TBCD: variants seen among roughly 807,000 people sequenced by gnomAD.
TBCD encodes tubulin-specific chaperone D.
Under a neutral mutation model 169.3 loss-of-function variants are expected in TBCD, and 105 were observed. That is an observed-to-expected ratio of 0.62 (90% CI 0.53 to 0.73). The LOEUF is 0.73. TBCD is among the 30% of genes least tolerant of loss of function. The pLI, the probability that TBCD is intolerant of heterozygous loss-of-function variation, is 0.00. For synonymous variants in TBCD, 700 were observed against 643.9 expected (o/e 1.09, Z -1.32); for missense variants, 1,444 against 1,600.1 (o/e 0.90, Z 1.66).
chr17:82,869,818 TCTCTCCCTCCCCTGAACCAGGGGCGC>T (rs895334105), intron 13 of TBCD, among the ~76,000 whole-genome samples: 38 of 152,080 alleles, frequency 2.5e-4, no homozygotes, highest in East Asian at 3.9e-4. Flanking sequence ...GGCATCTGCG[TCTCTCCCTCCCCTGAACCAGGGGCGC>T]CTCTCCCTCC....
rs995841769 is a variant in TBCD, at chr17:82,806,868, G to A, written c.1088-740G>A. 5.9e-5 allele frequency among the ~76,000 whole-genome samples: 9 copies of A among 152,160 alleles called. No homozygotes were observed. Among genetic ancestry groups the A allele is most frequent in the Admixed American group, 3.3e-4 (5 of 15,280 alleles). On this transcript the variant is annotated intron_variant, in intron 10 of 38. Coordinates refer to ENST00000355528, the MANE Select transcript of TBCD (RefSeq NM_005993.5). The surrounding 1 kb of genome is among the most constrained non-coding windows in gnomAD (Gnocchi z 5.1). ...CTCCCTGGTTGCGTGGTAGGCGCCC[G>A]CATCTGTGCTGGGCGGCTCTGAGTC...
chr17:82,798,938 T>C (rs2050301410), intron 8 of TBCD, among the ~76,000 whole-genome samples: 1 of 151,810 alleles, frequency 6.6e-6, no homozygotes, highest in South Asian at 2.1e-4. Context: ...CTTGCTGTGC[T>C]GTCCAGGCTG....
At chr17:82,926,333 C>T in intron 27 of TBCD, 67 bp from the exon 28 acceptor site, 5 of 1,491,322 alleles carry the variant, frequency 3.4e-6, no homozygotes, top group Non-Finnish European at 4.6e-6. Context: ...GCCAACATTG[C>T]CACCTCCCTA....
chr17:82,841,796 G>A (rs762134315), intron 13 of TBCD, among the ~76,000 whole-genome samples: 28 of 152,196 alleles, frequency 1.8e-4, no homozygotes, highest in Non-Finnish European at 4.0e-4. Context: ...GGCTCCGTGG[G>A]AGAAAGCTGG....
At chr17:82,786,624 G>A (rs1192729785) in intron 7 of TBCD, among the ~76,000 whole-genome samples, 5 of 152,168 alleles carry the variant, frequency 3.3e-5, no homozygotes, top group South Asian at 2.1e-4. Flanking sequence ...CAGGTGAGGC[G>A]TGCCACCTTC....
intron 34 of TBCD, among the ~76,000 whole-genome samples, chr17:82,936,912 A>G (rs533066307): frequency 2.6e-5 from 4 of 152,308 alleles, no homozygotes; most frequent in African/African-American, 9.6e-5. Context: ...AGCCCAGGCC[A>G]GGTAGCCTCT....
At chr17:82,859,599 T>A in intron 13 of TBCD, 1 of 985,438 alleles carries the variant, frequency 1.0e-6, no homozygotes, top group Non-Finnish European at 1.2e-6. Context: ...CACTGCAGAC[T>A]CCAAGTGTGA....
At chr17:82,887,250 AGGATAC>A (rs1256647424) in intron 15 of TBCD, among the ~76,000 whole-genome samples, 1 of 152,030 alleles carries the variant, frequency 6.6e-6, no homozygotes, top group Non-Finnish European at 1.5e-5. Flanking sequence ...CACCACAATC[AGGATAC>A]ACAGCAGCCC....
At chr17:82,862,272 T>G (rs2056835335) in intron 13 of TBCD, among the ~76,000 whole-genome samples, 1 of 152,210 alleles carries the variant, frequency 6.6e-6, no homozygotes, top group Non-Finnish European at 1.5e-5. Context: ...ATTTCCATCA[T>G]TTTATATTTG....
At position 82,831,193 on chromosome 17, in the gene TBCD, A is replaced by G. The variant is rs759363915; in HGVS notation, c.1318+16259A>G. 3.7e-6 allele frequency: 6 copies of G among 1,613,960 alleles called. No homozygotes were observed. In the East Asian group the frequency reaches 1.3e-4, roughly 36 times the overall value. On this transcript the variant is annotated intron_variant, in intron 13 of 38. Coordinates refer to ENST00000355528, the MANE Select transcript of TBCD (RefSeq NM_005993.5). The surrounding 1 kb of genome is among the most constrained non-coding windows in gnomAD (Gnocchi z 4.6). ...GCCTTCGCAGGTCTGGCTCGTCTGCATGAAGTCGGTGGGGCTCGGCCTCCC... is the reference window on the plus strand; with the variant it reads ...GCCTTCGCAGGTCTGGCTCGTCTGCGTGAAGTCGGTGGGGCTCGGCCTCCC...
intron 7 of TBCD, 98 bp downstream of exon 7, chr17:82,781,819 T>C: frequency 6.5e-7 from 1 of 1,535,620 alleles, no homozygotes; most frequent in South Asian, 1.2e-5. Context: ...CTTGACGTAA[T>C]TGGAACCCCG....
rs906514758 is a variant in TBCD at position 82,835,531 on chromosome 17, T to G, written c.1318+20597T>G. On this transcript the variant is annotated intron_variant, in intron 13 of 38. Transcript: ENST00000355528. This position sits in a 1 kb window ranked among gnomAD's most constrained non-coding sequence, Gnocchi z 4.5. ...TCTGCCTCCTGGGTTCAAGAGATTC[T>G]CCTGCCTCAGCCTCCCTAGTAGCTG... is the stretch of plus-strand genomic sequence containing the variant. Among the ~76,000 whole-genome samples, 2 of 152,186 alleles carry G rather than the reference T, an allele frequency of 1.3e-5. No homozygotes were observed. The highest frequency in any genetic ancestry group is 4.8e-5 in the African/African-American group (2 of 41,442).
chr17:82,766,450 C>T, intron 4 of TBCD, 82 bp downstream of exon 4: 1 of 847,916 alleles, frequency 1.2e-6, no homozygotes, highest in Admixed American at 2.5e-5. Context: ...GCTGCACCTT[C>T]CCCTTCCTGT....
At chr17:82,818,622 C>A (rs1407069630) in intron 13 of TBCD, among the ~76,000 whole-genome samples, 1 of 152,134 alleles carries the variant, frequency 6.6e-6, no homozygotes, top group African/African-American at 2.4e-5. Flanking sequence ...CACACACACA[C>A]AAACACTGCA....
intron 13 of TBCD, among the ~76,000 whole-genome samples, chr17:82,869,478 G>A (rs1668338027): frequency 6.6e-6 from 1 of 152,078 alleles, no homozygotes; most frequent in African/African-American, 2.4e-5. Context: ...CAAGATTGTG[G>A]CACTGCACTC....
chr17:82,807,816 G>C (rs1245713997), intron 11 of TBCD, 148 bp downstream of exon 11: 1 of 546,658 alleles, frequency 1.8e-6, no homozygotes, highest in African/African-American at 2.0e-5. Flanking sequence ...TTTACGTGTT[G>C]GCGTGAAGAT....
intron 9 of TBCD, 102 bp downstream of exon 9, chr17:82,801,098 G>A: frequency 1.7e-6 from 2 of 1,174,470 alleles, no homozygotes. Context: ...TGCTGTTGGG[G>A]CAGGTGCTGT....
intron 23 of TBCD, among the ~76,000 whole-genome samples, chr17:82,916,134 CCTT>C (rs756667720): frequency 3.4e-4 from 52 of 152,228 alleles, no homozygotes; most frequent in Non-Finnish European, 2.9e-4. Context: ...GCATTTCTCA[CCTT>C]CTAAGAGGAC....
chr17:82,832,214 C>T lies in TBCD; in HGVS notation c.1318+17280C>T. On this transcript the variant is annotated intron_variant, in intron 13 of 38. Transcript: ENST00000355528. This position sits in a 1 kb window ranked among gnomAD's most constrained non-coding sequence, Gnocchi z 4.9. ...TTGGAAGAGGCTGGCTTCGCCGTGG[C>T]ATCGGGCTGGTTGGTTTGCTTGGGG... is the stretch of plus-strand genomic sequence containing the variant. 6.2e-7 allele frequency: 1 copy of T among 1,614,232 alleles called. No homozygotes were observed. Among genetic ancestry groups the T allele is most frequent in the Middle Eastern group, 1.6e-4 (1 of 6,062 alleles).
Sources: gnomAD v4.1 joint callset for allele counts (sites outside exome capture counted in the v4.1 genomes callset) on GRCh38, gnomAD v4.1.1 for gene constraint, Gnocchi (gnomAD v3.1) non-coding constraint, MANE v1.5 for transcripts, NCBI Gene and HGNC (gene_info 2026-07-23, HGNC 2026-07-21) for gene names.